The following RPS6KA2 variants were observed in gnomAD, a reference collection of about 807,000 sequenced individuals.
RPS6KA2 encodes the protein ribosomal protein S6 kinase alpha-2.
A neutral mutation model predicts 91.8 loss-of-function variants in RPS6KA2; 42 were observed. That is an observed-to-expected ratio of 0.46 (90% CI 0.36 to 0.59). The LOEUF is 0.59. Ranked by LOEUF, RPS6KA2 falls within the 20% of genes least tolerant of loss-of-function variation. The probability of loss-of-function intolerance (pLI) is 0.00; values close to 1 mark genes in which losing one functional copy is unlikely to be tolerated. For synonymous variants in RPS6KA2, 414 were observed against 393.6 expected, an observed-to-expected ratio of 1.05 and a Z score of -0.61; for missense variants, 798 against 978.5, an observed-to-expected ratio of 0.82 and a Z score of 2.46.
intron 2 of RPS6KA2, among the ~76,000 whole-genome samples, chr6:166,632,611 C>CAA (rs34051695): frequency 1.7e-5 from 2 of 119,490 alleles, no homozygotes; most frequent in Non-Finnish European, 3.6e-5. Context: ...AACTCCATCT[C>CAA]AAAAAAAAAA....
At chr6:166,661,222 T>C (rs1788154321) in intron 2 of RPS6KA2, among the ~76,000 whole-genome samples, 1 of 152,182 alleles carries the variant, frequency 6.6e-6, no homozygotes, top group African/African-American at 2.4e-5. Context: ...TGCCTCAGCC[T>C]GCTAAGTAGC....
chr6:166,611,467 A>G (rs1786173535), intron 1 of RPS6KA2, among the ~76,000 whole-genome samples: 1 of 152,232 alleles, frequency 6.6e-6, no homozygotes, highest in Admixed American at 6.5e-5. Flanking sequence ...TTGGATTCCA[A>G]TTCCTCATCT....
chr6:166,495,173 T>G lies in RPS6KA2; in HGVS notation c.747+3335A>C, dbSNP rs367689792. On this transcript the variant is annotated intron_variant, in intron 8 of 20. Coordinates refer to ENST00000265678, the MANE Select transcript of RPS6KA2 (RefSeq NM_021135.6). This position sits in a 1 kb window ranked among gnomAD's most constrained non-coding sequence, Gnocchi z 4.4. The stretch of plus-strand genomic sequence containing the variant: ...CTTTCAGCTTTAGTTTTCATTTCTG[T>G]GCACAGAAAGAATACCGTCTTTCCT... Among the ~76,000 whole-genome samples the G allele has an allele frequency of 6.6e-6, 1 of 152,228 alleles. No homozygotes were observed. The highest frequency in any genetic ancestry group is 2.4e-5 in the African/African-American group (1 of 41,460).
chr6:166,777,460 G>A (rs562689398), intron 2 of RPS6KA2, among the ~76,000 whole-genome samples: 5 of 152,150 alleles, frequency 3.3e-5, no homozygotes, highest in Non-Finnish European at 7.3e-5. Flanking sequence ...CCGAGTGCAC[G>A]CACAGCCAGG....
At chr6:166,541,031 T>C (rs926423899) in intron 1 of RPS6KA2, among the ~76,000 whole-genome samples, 11 of 152,324 alleles carry the variant, frequency 7.2e-5, no homozygotes, top group African/African-American at 2.6e-4. Flanking sequence ...GTCCTCGCAA[T>C]GGGTCCATTA....
At chr6:166,812,491 G>T (rs1284695805) in intron 2 of RPS6KA2, among the ~76,000 whole-genome samples, 1 of 152,174 alleles carries the variant, frequency 6.6e-6, no homozygotes, top group Non-Finnish European at 1.5e-5. Flanking sequence ...CTTCCCAGGG[G>T]CTGAGTGTGG....
In RPS6KA2 at chr6:166,733,347, A is replaced by G. The variant is rs1351051879; in HGVS notation, c.123+124853T>C. On this transcript the variant is annotated intron_variant, in intron 2 of 21. Transcript: ENST00000503859. This position sits in a 1 kb window ranked among gnomAD's most constrained non-coding sequence, Gnocchi z 4.1. Reference sequence around the variant, plus strand: ...AGCAGTGGTGTTGGCCGTCTTGATCAGTTTATTATGTCTTGGAACTCATCC... The same window carrying G: ...AGCAGTGGTGTTGGCCGTCTTGATCGGTTTATTATGTCTTGGAACTCATCC... Among the ~76,000 whole-genome samples, 1 of 152,110 alleles carries G rather than the reference A, an allele frequency of 6.6e-6. No individual in the cohort carries two copies. The highest frequency in any genetic ancestry group is 2.4e-5 in the African/African-American group (1 of 41,410).
chr6:166,846,303 C>T (rs1468067268), intron 2 of RPS6KA2, among the ~76,000 whole-genome samples: 1 of 152,104 alleles, frequency 6.6e-6, no homozygotes, highest in African/African-American at 2.4e-5. Flanking sequence ...TGGAACCAAG[C>T]CTATTGACAC....
intron 1 of RPS6KA2, among the ~76,000 whole-genome samples, chr6:166,617,814 C>T (rs1295342350): frequency 6.6e-6 from 1 of 152,260 alleles, no homozygotes; most frequent in Non-Finnish European, 1.5e-5. Context: ...GGTCCCGCAA[C>T]AGCCACAGCT....
At chr6:166,440,348 G>T (rs1779480498) in intron 14 of RPS6KA2, 1 of 152,180 alleles carries the variant, frequency 6.6e-6, no homozygotes, top group Non-Finnish European at 1.5e-5. Context: ...GGGAGGGGCT[G>T]AGCATACGAG....
At chr6:166,629,608 A>C (rs115110367), upstream of RPS6KA2, among the ~76,000 whole-genome samples, 273 of 152,352 alleles carry the variant, frequency 1.8e-3, no homozygotes, top group African/African-American at 6.3e-3. Context: ...GGGTAGGTAT[A>C]ATATCAAGAC....
intron 2 of RPS6KA2, among the ~76,000 whole-genome samples, chr6:166,659,016 G>A (rs1182932753): frequency 6.6e-6 from 1 of 152,090 alleles, no homozygotes; most frequent in Non-Finnish European, 1.5e-5. Context: ...TGCTTCTCCG[G>A]TAAACTGTGG....
rs371479352 is a variant in RPS6KA2 at position 166,579,704 on chromosome 6, CAGA to C, written c.100-40923_100-40921del. ...TGAAAAGTGTCAACCGCTCCTTTGG[CAGA>C]AGAAGACCAGTGTTGTGGTATTTAA... On this transcript the variant is annotated intron_variant, in intron 1 of 20. Coordinates refer to ENST00000265678, the MANE Select transcript of RPS6KA2 (RefSeq NM_021135.6). 3.7e-4 allele frequency among the ~76,000 whole-genome samples: 57 copies of C among 152,326 alleles called. No homozygotes were observed. In the East Asian group the frequency reaches 0.01, roughly 28 times the overall value.
chr6:166,840,065 GAAGT>G (rs1456132317), intron 2 of RPS6KA2, among the ~76,000 whole-genome samples: 10 of 152,030 alleles, frequency 6.6e-5, no homozygotes, highest in African/African-American at 2.2e-4. Flanking sequence ...TTGTTTGCAG[GAAGT>G]AAAAATTTGA....
rs1328402463 is a variant in RPS6KA2, at chr6:166,409,871, T to A, written c.*2891A>T. The A allele has an allele frequency of 6.6e-6, 1 of 152,548 alleles. No individual in the cohort carries two copies. Among genetic ancestry groups the A allele is most frequent in the Non-Finnish European group, 1.5e-5 (1 of 68,048 alleles). The allele number at this position is 152,548 out of a possible 1,614,324, so 9.4% of individuals were successfully genotyped here. ...TACTGGATAACATTAAGTACTATTA[T>A]CACTTTAAAATTCAAACAATCTTCC... On this transcript the variant is annotated 3_prime_UTR_variant, in exon 21 of 21. Coordinates refer to ENST00000265678, the MANE Select transcript of RPS6KA2 (RefSeq NM_021135.6).
Position 166,627,148 on chromosome 6 carries a change from G to C in RPS6KA2, c.-129C>G. 7.2e-6 allele frequency: 8 copies of C among 1,118,296 alleles called. No homozygotes were observed. Among genetic ancestry groups the C allele is most frequent in the Non-Finnish European group, 8.7e-6 (8 of 915,930 alleles). 69.3% of individuals were successfully genotyped at this position (1,118,296 alleles called of 1,614,324 possible). ...GCCCGGCACGGCGGCCATGGGCGCGGGGCGTGGGGCGCGAGCTGCGGTCAC... is the reference window on the plus strand; with the variant it reads ...GCCCGGCACGGCGGCCATGGGCGCGCGGCGTGGGGCGCGAGCTGCGGTCAC... On this transcript the variant is annotated 5_prime_UTR_variant, in exon 1 of 21. Transcript: ENST00000265678.
intron 2 of RPS6KA2, among the ~76,000 whole-genome samples, chr6:166,713,499 T>C (rs911318009): frequency 1.3e-5 from 2 of 152,200 alleles, no homozygotes; most frequent in Non-Finnish European, 2.9e-5. Flanking sequence ...TTCTCTGTTC[T>C]CCTTTTAAAG....
chr6:166,637,981 G>A (rs908732571), intron 2 of RPS6KA2, among the ~76,000 whole-genome samples: 3 of 152,260 alleles, frequency 2.0e-5, no homozygotes, highest in South Asian at 2.1e-4. Flanking sequence ...TAAGCAGGGG[G>A]CCGGGAGCGT....
chr6:166,488,742 G>A (rs548593954), intron 10 of RPS6KA2, 91 bp downstream of exon 10: 18 of 963,414 alleles, frequency 1.9e-5, no homozygotes, highest in Admixed American at 1.0e-4. Flanking sequence ...GCATTGGGCC[G>A]GAGCAGGAGG....
Sources: allele counts gnomAD v4.1 joint callset (sites outside exome capture counted in the v4.1 genomes callset), GRCh38; gene constraint gnomAD v4.1.1; non-coding constraint Gnocchi (gnomAD v3.1); transcripts MANE v1.5; gene names NCBI Gene and HGNC (gene_info 2026-07-23, HGNC 2026-07-21).